Variants in CDH22 observed in about 807,000 individuals in gnomAD.
CDH22 encodes the protein cadherin-22.
Under a neutral mutation model 58.4 loss-of-function variants are expected in CDH22, and 30 were observed. The observed-to-expected ratio is 0.51, with a 90% CI of 0.38 to 0.70. The LOEUF is 0.70. Among genes scored for constraint, CDH22 ranks in the 30% least tolerant of loss-of-function variants. The pLI, the probability that CDH22 is intolerant of heterozygous loss-of-function variation, is 0.00. For missense variants in CDH22, 1,014 were observed against 1,233.9 expected (o/e 0.82, Z 2.67); for synonymous variants, 513 against 558.2 (o/e 0.92, Z 1.14).
chr20:46,244,607 A>T (rs148532893), intron 2 of CDH22, among the ~76,000 whole-genome samples: 12 of 152,318 alleles, frequency 7.9e-5, no homozygotes, highest in African/African-American at 2.6e-4. Context: ...TTTCCAGGTG[A>T]AGAGACTGAG....
rs535620100 is a variant in CDH22 at position 46,197,591 on chromosome 20, C to G, written c.1423+1832G>C. Among the ~76,000 whole-genome samples, 7 of 152,198 alleles carry G rather than the reference C, an allele frequency of 4.6e-5. No individual in the cohort carries two copies. In the East Asian group the frequency reaches 1.4e-3, roughly 30 times the overall value. ...GCAGCCAGGCCAGTCCTCCCTCACT[C>G]CATCTACAGCCCAGAGCCTCAGTTG... is the stretch of plus-strand genomic sequence containing the variant. On this transcript the variant is annotated intron_variant, in intron 8 of 11. Transcript: ENST00000537909.
At chr20:46,278,544 C>T (rs1049710238) in intron 1 of CDH22, among the ~76,000 whole-genome samples, 5 of 152,138 alleles carry the variant, frequency 3.3e-5, no homozygotes, top group African/African-American at 9.7e-5. Context: ...TCAGAAGGGA[C>T]CTGCCACTTG....
intron 4 of CDH22, among the ~76,000 whole-genome samples, chr20:46,226,267 TCTTCTTCTTCTTCTTCTTCTTCTTC>T (rs1309377305): frequency 0.11 from 4,011 of 36,488 alleles, 341 homozygotes; most frequent in African/African-American, 0.26. Flanking sequence ...TTCTTCTTCT[TCTTCTTCTTCTTCTTCTTCTTCTTC>T]TTTTTTTTTT....
intron 7 of CDH22, among the ~76,000 whole-genome samples, chr20:46,201,883 C>A (rs2085964265): frequency 6.6e-6 from 1 of 152,190 alleles, no homozygotes; most frequent in Non-Finnish European, 1.5e-5. Flanking sequence ...AGTTTGGAGC[C>A]TGCTTCTCCC....
intron 1 of CDH22, among the ~76,000 whole-genome samples, chr20:46,252,125 T>G (rs1390876301): frequency 6.6e-6 from 1 of 151,636 alleles, no homozygotes; most frequent in Non-Finnish European, 1.5e-5. Flanking sequence ...GCCTCCTTGG[T>G]GCACAGAAGT....
At chr20:46,196,891 A>G (rs1008209568) in intron 8 of CDH22, among the ~76,000 whole-genome samples, 9 of 152,114 alleles carry the variant, frequency 5.9e-5, no homozygotes, top group African/African-American at 2.2e-4. Context: ...TGATCCTCCC[A>G]CCAGCTCTCT....
At chr20:46,287,195 A>G (rs2086580352) in intron 1 of CDH22, among the ~76,000 whole-genome samples, 1 of 152,320 alleles carries the variant, frequency 6.6e-6, no homozygotes, top group South Asian at 2.1e-4. Context: ...CCTCCTCTGT[A>G]GAATGGGAAT....
chr20:46,250,544 G>A (rs1220841278), intron 2 of CDH22, among the ~76,000 whole-genome samples: 2 of 152,190 alleles, frequency 1.3e-5, no homozygotes, highest in Admixed American at 6.5e-5. Context: ...AAGGGGCAGT[G>A]GCAGGAGTGT....
chr20:46,178,275 T>C (rs940046675), intron 10 of CDH22, 78 bp from the exon 11 acceptor site: 21 of 1,517,432 alleles, frequency 1.4e-5, no homozygotes, highest in Non-Finnish European at 1.6e-5. Flanking sequence ...CCTGATTGCA[T>C]CGTGAGATTT....
At chr20:46,292,529 T>G (rs918026598) in intron 1 of CDH22, among the ~76,000 whole-genome samples, 1 of 152,224 alleles carries the variant, frequency 6.6e-6, no homozygotes, top group Non-Finnish European at 1.5e-5. Context: ...AACGCCCAAC[T>G]AACTCTGATG....
chr20:46,185,854 G>T (rs930714710), intron 10 of CDH22, among the ~76,000 whole-genome samples: 1 of 152,118 alleles, frequency 6.6e-6, no homozygotes, highest in Non-Finnish European at 1.5e-5. Context: ...GACAGAGCAA[G>T]ACCTTGTTTC....
chr20:46,227,632 GC>G lies in CDH22; in HGVS notation c.551-6del. On this transcript the variant is annotated splice_region_variant and splice_polypyrimidine_tract_variant and intron_variant, in intron 3 of 11. Coordinates refer to ENST00000537909, the MANE Select transcript of CDH22 (RefSeq NM_021248.3). The stretch of plus-strand genomic sequence containing the variant: ...TCACCTGCATCACCGACGTGCCTGG[GC>G]CCGGGGGACCAAGCGAGACAGGGGT... 6.2e-7 allele frequency: 1 copy of G among 1,609,350 alleles called. No homozygotes were observed. The highest frequency in any genetic ancestry group is 8.5e-7 in the Non-Finnish European group (1 of 1,178,286).
chr20:46,226,916 G>A (rs1390596521), intron 4 of CDH22, among the ~76,000 whole-genome samples: 1 of 152,192 alleles, frequency 6.6e-6, no homozygotes, highest in Non-Finnish European at 1.5e-5. Flanking sequence ...AGGTTCTAAT[G>A]TCACCGTGAG....
At chr20:46,212,866 G>T in intron 6 of CDH22, 129 bp downstream of exon 6, 2 of 700,692 alleles carry the variant, frequency 2.9e-6, no homozygotes, top group Non-Finnish European at 4.8e-6. Context: ...TTTCCAGGTT[G>T]GTCCTGGACC....
Position 46,186,883 on chromosome 20 carries a change from G to A in CDH22, c.1488C>T (p.Pro496=). The change falls in exon 9 of 12, where the codon CCC becomes CCT. Residue 496 remains proline, a synonymous_variant. Transcript: ENST00000537909. ...CCTCGTAGGGTGTGGCCAGTTCTGGGGGATTGTCGTTCACATCCAGGATTC... is the reference window on the plus strand; with the variant it reads ...CCTCGTAGGGTGTGGCCAGTTCTGGAGGATTGTCGTTCACATCCAGGATTC... ...RIRILDVNDN[P]PELATPYEAA... is the part of the protein sequence containing the mutation. 1 of 1,612,300 alleles carries A rather than the reference G, an allele frequency of 6.2e-7. No individual in the cohort carries two copies. The highest frequency in any genetic ancestry group is 8.5e-7 in the Non-Finnish European group (1 of 1,179,138).
At chr20:46,275,683 G>A (rs773221076) in intron 1 of CDH22, among the ~76,000 whole-genome samples, 1 of 151,944 alleles carries the variant, frequency 6.6e-6, no homozygotes, top group Non-Finnish European at 1.5e-5. Flanking sequence ...TTCAACAAAC[G>A]TTGTCTGAAC....
chr20:46,236,959 C>T (rs1305248389), intron 3 of CDH22, among the ~76,000 whole-genome samples: 3 of 152,242 alleles, frequency 2.0e-5, no homozygotes, highest in Middle Eastern at 3.4e-3. Flanking sequence ...TCCCAAAGTG[C>T]GAGGATTACA....
At chr20:46,189,405 C>T (rs2085848643) in intron 8 of CDH22, among the ~76,000 whole-genome samples, 1 of 152,240 alleles carries the variant, frequency 6.6e-6, no homozygotes, top group Admixed American at 6.5e-5. Context: ...GCCTCTTTCC[C>T]AGCAGAGGCA....
intron 1 of CDH22, among the ~76,000 whole-genome samples, chr20:46,281,542 C>T (rs574290916): frequency 2.0e-5 from 3 of 152,146 alleles, no homozygotes; most frequent in South Asian, 2.1e-4. Context: ...ATTCAGGGAG[C>T]GTTGACACGG....
Sources: allele counts gnomAD v4.1 joint callset (sites outside exome capture counted in the v4.1 genomes callset), GRCh38; gene constraint gnomAD v4.1.1; transcripts MANE v1.5; gene names NCBI Gene and HGNC (gene_info 2026-07-23, HGNC 2026-07-21).